DIAPH2: variants seen among roughly 807,000 people sequenced by gnomAD.
DIAPH2 encodes the protein diaphanous related formin 2.
In DIAPH2, 35 loss-of-function variants were observed where a neutral mutation model predicts 92.7. That is an observed-to-expected ratio of 0.38 (90% CI 0.29 to 0.50). The LOEUF is 0.50. DIAPH2 is among the 20% of genes least tolerant of loss of function. DIAPH2 has a pLI of 0.94. For missense variants in DIAPH2, 701 were observed against 819.5 expected (o/e 0.86, Z 1.77); for synonymous variants, 301 against 280.4 (o/e 1.07, Z -0.73).
intron 4 of DIAPH2, among the ~76,000 whole-genome samples, chrX:96,820,160 T>A (rs2064767975): frequency 8.9e-6 from 1 of 112,114 alleles, no homozygotes. Context: ...GAGAAAAGGC[T>A]GATAAGAAAT....
intron 17 of DIAPH2, among the ~76,000 whole-genome samples, chrX:97,016,520 G>A (rs949790392): frequency 3.6e-5 from 4 of 111,975 alleles, no homozygotes; most frequent in African/African-American, 1.3e-4. Flanking sequence ...TGTATAAAAC[G>A]TTGGTCATGT....
intron 17 of DIAPH2, among the ~76,000 whole-genome samples, chrX:97,017,865 G>A (rs758551061): frequency 1.6e-3 from 180 of 112,090 alleles, no homozygotes; most frequent in African/African-American, 5.3e-3. Flanking sequence ...AGCCATGTGA[G>A]TGGAGCTGAC....
intron 4 of DIAPH2, among the ~76,000 whole-genome samples, chrX:96,808,849 G>T (rs1207360810): frequency 9.0e-6 from 1 of 111,331 alleles, no homozygotes; most frequent in Non-Finnish European, 1.9e-5. Flanking sequence ...TCTATTGATG[G>T]TTGTTTTAAA....
chrX:96,954,772 A>G (rs1023198681), intron 15 of DIAPH2, among the ~76,000 whole-genome samples: 3 of 112,363 alleles, frequency 2.7e-5, no homozygotes, highest in African/African-American at 9.7e-5. Context: ...AGAAATAATA[A>G]ATGTAAAAAT....
intron 9 of DIAPH2, among the ~76,000 whole-genome samples, chrX:96,921,406 C>A (rs1299538666): frequency 9.0e-6 from 1 of 111,693 alleles, no homozygotes; most frequent in Non-Finnish European, 1.9e-5. Flanking sequence ...GATTATACAC[C>A]AGCAGCTTCT....
chrX:97,343,511 A>G (rs1485825998), intron 23 of DIAPH2, among the ~76,000 whole-genome samples: 2 of 111,000 alleles, frequency 1.8e-5, no homozygotes, highest in Non-Finnish European at 3.8e-5. Context: ...TCTACTAAAA[A>G]TACAAAAATT....
chrX:97,352,870 C>CAAA (rs1176922373), intron 24 of DIAPH2, among the ~76,000 whole-genome samples: 20 of 27,024 alleles, frequency 7.4e-4, no homozygotes, highest in South Asian at 2.3e-3. Context: ...AATCTGTCTC[C>CAAA]AAAAAAAAAA....
At chrX:97,109,314 G>A (rs748050459) in intron 20 of DIAPH2, among the ~76,000 whole-genome samples, 165 of 110,936 alleles carry the variant, frequency 1.5e-3, no homozygotes, top group African/African-American at 5.1e-3. Context: ...CTGGCTACTC[G>A]GGAGGCTGAG....
intron 17 of DIAPH2, among the ~76,000 whole-genome samples, chrX:96,994,275 G>T (rs986562093): frequency 2.7e-5 from 3 of 111,816 alleles, no homozygotes; most frequent in Non-Finnish European, 5.6e-5. Flanking sequence ...TATTAAACTT[G>T]GGGAAGTGAG....
At chrX:97,467,100 A>G (rs1256028676) in intron 26 of DIAPH2, among the ~76,000 whole-genome samples, 3 of 112,220 alleles carry the variant, frequency 2.7e-5, no homozygotes, top group Non-Finnish European at 5.6e-5. Flanking sequence ...TTCAAATTCT[A>G]TGTAAGTAGT....
intron 22 of DIAPH2, among the ~76,000 whole-genome samples, chrX:97,229,355 A>T (rs888766955): frequency 1.8e-5 from 2 of 111,237 alleles, no homozygotes; most frequent in African/African-American, 6.5e-5. Flanking sequence ...ATTATGTGAT[A>T]TGGATTGAAT....
chrX:97,151,746 T>C (rs1167151507), intron 22 of DIAPH2, among the ~76,000 whole-genome samples: 2 of 111,716 alleles, frequency 1.8e-5, no homozygotes, highest in Admixed American at 1.9e-4. Context: ...AAAAAGAATA[T>C]ATAGGAATAT....
intron 4 of DIAPH2, among the ~76,000 whole-genome samples, chrX:96,837,909 A>T (rs762209564): frequency 9.0e-6 from 1 of 111,672 alleles, no homozygotes; most frequent in Admixed American, 9.6e-5. Flanking sequence ...ACTCTTATAG[A>T]TGTCATCTTA....
At chrX:97,479,440 CT>C (rs1337508960) in intron 26 of DIAPH2, among the ~76,000 whole-genome samples, 1 of 112,345 alleles carries the variant, frequency 8.9e-6, no homozygotes, top group Non-Finnish European at 1.9e-5. Context: ...TCCAGAATTG[CT>C]TTTGACTGCC....
chrX:97,366,730 A>G (rs1364678107), intron 24 of DIAPH2, among the ~76,000 whole-genome samples: 3 of 111,858 alleles, frequency 2.7e-5, no homozygotes, highest in African/African-American at 9.7e-5. Flanking sequence ...TACTAGCTTC[A>G]AAGATCCTTT....
chrX:97,059,368 A>G (rs1602312341), intron 17 of DIAPH2, among the ~76,000 whole-genome samples: 1 of 111,718 alleles, frequency 9.0e-6, no homozygotes, highest in Non-Finnish European at 1.9e-5. Flanking sequence ...TAAATAGTGC[A>G]CCTGGTATCA....
intron 19 of DIAPH2, among the ~76,000 whole-genome samples, chrX:97,092,471 A>C (rs2147354562): frequency 8.9e-6 from 1 of 112,541 alleles, no homozygotes; most frequent in African/African-American, 3.2e-5. Flanking sequence ...GCTTAAAGAA[A>C]AAAGTGTTAG....
intron 16 of DIAPH2, among the ~76,000 whole-genome samples, chrX:96,961,271 T>A (rs976504166): frequency 3.6e-5 from 4 of 110,898 alleles, no homozygotes; most frequent in Non-Finnish European, 7.6e-5. Flanking sequence ...CAGTAATTTA[T>A]CCATTTCCTC....
In DIAPH2 at chrX:97,602,959, A is replaced by G. The variant is rs2071603677; in HGVS notation, c.*3642A>G. 1 of 111,293 alleles carries G rather than the reference A, an allele frequency of 9.0e-6. No homozygotes were observed. Among genetic ancestry groups the G allele is most frequent in the African/African-American group, 3.3e-5 (1 of 30,539 alleles). 9.2% of individuals were successfully genotyped at this position (111,293 alleles called of 1,213,427 possible). A position where few individuals can be genotyped will look rare whatever the true frequency, so the allele number is the denominator to read the frequency against. On this transcript the variant is annotated 3_prime_UTR_variant, in exon 27 of 27. Coordinates refer to ENST00000324765, the MANE Select transcript of DIAPH2 (RefSeq NM_006729.5). ...TGTCACATTGATTCACACATTCAGA[A>G]AAGAGGGTCCTCACAGATTTTTCCT...
Sources: allele counts gnomAD v4.1 joint callset (sites outside exome capture counted in the v4.1 genomes callset), GRCh38; gene constraint gnomAD v4.1.1; transcripts MANE v1.5; gene names NCBI Gene and HGNC (gene_info 2026-07-23, HGNC 2026-07-21).